The following EPB41L2 variants were observed in gnomAD, a reference collection of about 807,000 sequenced individuals.
EPB41L2 encodes erythrocyte membrane protein band 4.1 like 2.
A neutral mutation model predicts 113.0 loss-of-function variants in EPB41L2; 43 were observed. That is an observed-to-expected ratio of 0.38 (90% CI 0.30 to 0.49). The LOEUF (loss-of-function observed/expected upper bound fraction) is 0.49, where lower values mean the gene tolerates loss of function less well. EPB41L2 is among the 20% of genes least tolerant of loss of function. The pLI is 0.95. For synonymous variants in EPB41L2, 442 were observed against 436.7 expected, an observed-to-expected ratio of 1.01 and a Z score of -0.15; for missense variants, 1,147 against 1,223.4, an observed-to-expected ratio of 0.94 and a Z score of 0.93.
intron 3 of EPB41L2, among the ~76,000 whole-genome samples, chr6:130,940,476 TC>T (rs376951731): frequency 0.073 from 10,819 of 149,170 alleles, 683 homozygotes; most frequent in African/African-American, 0.15. Flanking sequence ...TTTTTTTTTT[TC>T]TTTTGGGAGA....
Position 130,955,257 on chromosome 6 carries a change from A to G in EPB41L2, c.553T>C (p.Leu185=). The G allele has an allele frequency of 6.2e-7, 1 of 1,613,838 alleles. No individual in the cohort carries two copies. The highest frequency in any genetic ancestry group is 1.7e-5 in the Admixed American group (1 of 59,998). Residue 185 remains leucine, a synonymous_variant, in exon 3 of 20, where the codon TTA becomes CTA. Coordinates refer to ENST00000337057, the MANE Select transcript of EPB41L2 (RefSeq NM_001431.4). The part of the protein sequence containing the change: ...EKVKETQEDK[L]EGGAAKRETK... ...TCCCTTTTTGCTGCTCCTCCTTCTAATTTGTCTTCCTGTGTTTCTTTTACC... is the reference window on the plus strand; with the variant it reads ...TCCCTTTTTGCTGCTCCTCCTTCTAGTTTGTCTTCCTGTGTTTCTTTTACC...
At chr6:130,915,174 G>A (rs926895696) in intron 4 of EPB41L2, among the ~76,000 whole-genome samples, 1 of 151,082 alleles carries the variant, frequency 6.6e-6, no homozygotes, top group Admixed American at 6.6e-5. Flanking sequence ...GTAGTGGCGG[G>A]CGCCTGTAGT....
chr6:130,885,986 C>T (rs974030430), intron 11 of EPB41L2, among the ~76,000 whole-genome samples: 28 of 152,220 alleles, frequency 1.8e-4, no homozygotes, highest in African/African-American at 3.9e-4. Context: ...TGTCATAGTG[C>T]AGATCAAACC....
intron 3 of EPB41L2, among the ~76,000 whole-genome samples, chr6:130,937,434 G>A (rs1246652592): frequency 2.0e-5 from 3 of 152,266 alleles, no homozygotes; most frequent in African/African-American, 4.8e-5. Flanking sequence ...ATCCCATGGT[G>A]TATATGTGCT....
At chr6:130,897,019 T>C (rs1007773594) in intron 8 of EPB41L2, among the ~76,000 whole-genome samples, 2 of 152,042 alleles carry the variant, frequency 1.3e-5, no homozygotes, top group African/African-American at 4.8e-5. Flanking sequence ...TCCACACATA[T>C]CTCTCCTTGG....
At chr6:131,048,577 C>T (rs1795940378) in intron 1 of EPB41L2, among the ~76,000 whole-genome samples, 1 of 152,178 alleles carries the variant, frequency 6.6e-6, no homozygotes, top group Non-Finnish European at 1.5e-5. Flanking sequence ...CACTTATTCA[C>T]AAATAAAATT....
chr6:130,930,563 G>A (rs530437517), intron 3 of EPB41L2, among the ~76,000 whole-genome samples: 8 of 152,208 alleles, frequency 5.3e-5, no homozygotes, highest in African/African-American at 1.9e-4. Context: ...TGACTCTAAC[G>A]CAGATGTAGA....
intron 17 of EPB41L2, 115 bp from the exon 18 acceptor site, chr6:130,863,833 C>G: frequency 1.6e-6 from 1 of 635,192 alleles, no homozygotes; most frequent in Non-Finnish European, 2.8e-6. Context: ...TAAGGCCACA[C>G]ACAACAAGCA....
At chr6:131,013,585 T>G (rs1787533152) in intron 1 of EPB41L2, 1 of 151,974 alleles carries the variant, frequency 6.6e-6, no homozygotes, top group Non-Finnish European at 1.5e-5. Flanking sequence ...CAGTTTAGAG[T>G]TGCTGTTTTT....
At chr6:130,950,398 A>G (rs983728547) in intron 3 of EPB41L2, among the ~76,000 whole-genome samples, 3 of 152,180 alleles carry the variant, frequency 2.0e-5, no homozygotes, top group Admixed American at 6.5e-5. Flanking sequence ...CAAAACAAGA[A>G]TATTATGAAA....
At position 130,954,040 on chromosome 6, in the gene EPB41L2, CTTTTTTTTTTTTTTTTTT is replaced by C. The variant is rs780758511; in HGVS notation, c.705+1047_705+1064del. 2.7e-4 allele frequency among the ~76,000 whole-genome samples: 16 copies of C among 58,866 alleles called. No homozygotes were observed. The Admixed American group carries it at 2.8e-3, about 10-fold the overall frequency. 38.6% of individuals were successfully genotyped at this position (58,866 alleles called of 152,430 possible). A position where few individuals can be genotyped will look rare whatever the true frequency, so the allele number is the denominator to read the frequency against. ...TCCTCTTTTGCTAGTCCTTTTCTTT[CTTTTTTTTTTTTTTTTTT>C]TTTTTTTTTTTTGAGACGGAGTCTC... On this transcript the variant is annotated intron_variant, in intron 3 of 19. Transcript: ENST00000337057.
At chr6:130,889,745 T>C (rs1257125900) in intron 11 of EPB41L2, among the ~76,000 whole-genome samples, 2 of 152,206 alleles carry the variant, frequency 1.3e-5, no homozygotes, top group Non-Finnish European at 2.9e-5. Flanking sequence ...AAACACATCA[T>C]GATCAAGAGA....
At chr6:130,957,255 A>T (rs1017923150) in intron 1 of EPB41L2, among the ~76,000 whole-genome samples, 5 of 152,260 alleles carry the variant, frequency 3.3e-5, no homozygotes, top group African/African-American at 1.2e-4. Context: ...TGAGGTGGAA[A>T]AAATGCATCT....
Position 130,869,979 on chromosome 6 carries a change from G to A in EPB41L2, c.2191C>T (p.Gln731Ter), listed in dbSNP as rs777485793. 2 of 1,613,666 alleles carry A rather than the reference G, an allele frequency of 1.2e-6. No homozygotes were observed. Among genetic ancestry groups the A allele is most frequent in the Admixed American group, 1.7e-5 (1 of 60,014 alleles). The stretch of plus-strand genomic sequence containing the variant: ...GAAGACAGGGAGGTGGAGTCTTTTT[G>A]TGTCACAGGCTCCACCTTACGAATC... Reference protein sequence around the residue: ...GEIRKVEPVTQKDSTSLSSES... With the variant: ...GEIRKVEPVT Residue 731 changes from glutamine to a stop codon, truncating the protein, a stop_gained, in exon 15 of 20, where the codon CAA becomes TAA. Transcript: ENST00000337057. LOFTEE classifies it high-confidence loss of function.
intron 1 of EPB41L2, among the ~76,000 whole-genome samples, chr6:130,989,054 A>G (rs1781222380): frequency 6.6e-6 from 1 of 151,964 alleles, no homozygotes; most frequent in African/African-American, 2.4e-5. Context: ...ACGCCACTGC[A>G]CTCCAGCCTG....
chr6:130,901,291 C>A, intron 6 of EPB41L2, 111 bp from the exon 7 acceptor site: 1 of 848,450 alleles, frequency 1.2e-6, no homozygotes. Context: ...ACAATATAGG[C>A]ACTCTTCATA....
intron 1 of EPB41L2, among the ~76,000 whole-genome samples, chr6:131,010,961 C>T (rs1489480886): frequency 6.6e-6 from 1 of 152,210 alleles, no homozygotes; most frequent in African/African-American, 2.4e-5. Context: ...ACAATTCCTA[C>T]CTTCACTTAC....
At chr6:130,943,967 T>C (rs942269080) in intron 3 of EPB41L2, among the ~76,000 whole-genome samples, 4 of 152,130 alleles carry the variant, frequency 2.6e-5, no homozygotes, top group African/African-American at 4.8e-5. Context: ...GGTCACACCA[T>C]AGTAACTTCT....
chr6:130,903,401 A>G (rs1209332981), intron 6 of EPB41L2, among the ~76,000 whole-genome samples: 1 of 151,274 alleles, frequency 6.6e-6, no homozygotes, highest in Non-Finnish European at 1.5e-5. Context: ...AGTAGTTTAA[A>G]AAAAAAAAAA....
Sources: gnomAD v4.1 joint callset for allele counts (sites outside exome capture counted in the v4.1 genomes callset) on GRCh38, gnomAD v4.1.1 for gene constraint, MANE v1.5 for transcripts, NCBI Gene and HGNC (gene_info 2026-07-23, HGNC 2026-07-21) for gene names.